The following ADGB variants were observed in gnomAD, a reference collection of about 807,000 sequenced individuals.
ADGB encodes androglobin.
In ADGB, 172 loss-of-function variants were observed where a neutral mutation model predicts 210.5. The ratio of observed to expected loss-of-function variants is 0.82; its 90% CI spans 0.72 to 0.93. The LOEUF (loss-of-function observed/expected upper bound fraction) is 0.93, where lower values mean the gene tolerates loss of function less well. ADGB is among the 40% of genes least tolerant of loss of function. The probability of loss-of-function intolerance (pLI) is 0.00; values close to 1 mark genes in which losing one functional copy is unlikely to be tolerated. For synonymous variants in ADGB, 658 were observed against 662.7 expected, an observed-to-expected ratio of 0.99 and a Z score of 0.11; for missense variants, 2,025 against 1,964.8, an observed-to-expected ratio of 1.03 and a Z score of -0.58.
chr6:146,695,344 C>T (rs917520438), intron 12 of ADGB, among the ~76,000 whole-genome samples: 6 of 152,116 alleles, frequency 3.9e-5, no homozygotes, highest in South Asian at 4.1e-4. Context: ...AATTAGTTAA[C>T]GTTGCTTTGT....
chr6:146,664,459 A>G (rs1431337561), intron 6 of ADGB, 119 bp downstream of exon 6: 4 of 1,042,598 alleles, frequency 3.8e-6, no homozygotes, highest in Non-Finnish European at 5.3e-6. Flanking sequence ...TTTCCCCTAA[A>G]CAATGTAATG....
At chr6:146,752,477 T>A in intron 26 of ADGB, 53 bp from the exon 27 acceptor site, 1 of 1,461,782 alleles carries the variant, frequency 6.8e-7, no homozygotes, top group Non-Finnish European at 9.2e-7. Flanking sequence ...ACTTACTGAC[T>A]TGAGAGAAAG....
intron 32 of ADGB, among the ~76,000 whole-genome samples, chr6:146,787,427 A>T (rs888828147): frequency 1.3e-5 from 2 of 152,088 alleles, no homozygotes; most frequent in African/African-American, 4.8e-5. Context: ...CTCACTATTT[A>T]GTTATTTTAT....
At chr6:146,707,716 T>C (rs1052336250) in intron 13 of ADGB, among the ~76,000 whole-genome samples, 2 of 152,152 alleles carry the variant, frequency 1.3e-5, no homozygotes, top group African/African-American at 4.8e-5. Context: ...ATTTTCAGTC[T>C]ATATGTGTCT....
chr6:146,599,084 A>G lies in ADGB; in HGVS notation c.44A>G (p.Asn15Ser). The change falls in exon 1 of 36, where the codon AAC (asparagine) becomes AGC (serine). Residue 15 changes from asparagine to serine, a missense_variant. Asn to Ser is a conservative substitution (Grantham distance 46). Transcript: ENST00000397944. Reference protein sequence around the residue: ...QTKKKEVHRINSAHGSDKSKD... With the variant: ...QTKKKEVHRISSAHGSDKSKD... ...AAAAAGAAAGAGGTGCATCGTATCA[A>G]CTCGGCGCACGGATCGGATAAATCG... 6.4e-7 allele frequency: 1 copy of G among 1,551,708 alleles called. No homozygotes were observed. The highest frequency in any genetic ancestry group is 1.4e-5 in the African/African-American group (1 of 73,164).
At chr6:146,784,871 A>G (rs1777851353) in intron 31 of ADGB, 77 bp downstream of exon 31, 5 of 1,408,194 alleles carry the variant, frequency 3.6e-6, no homozygotes, top group Middle Eastern at 1.8e-4. Flanking sequence ...TCATGCTGGT[A>G]AAAACCATAT....
At position 146,741,282 on chromosome 6, in the gene ADGB, A is replaced by T; in HGVS notation, c.3177+11A>T. The T allele has an allele frequency of 6.5e-7, 1 of 1,550,264 alleles. No individual in the cohort carries two copies. The highest frequency in any genetic ancestry group is 8.7e-7 in the Non-Finnish European group (1 of 1,146,212). ...TATACCAAGAATAAGGTAGGTATAA[A>T]ATTTATTCTCCACATATGATAGAAT... is the stretch of plus-strand genomic sequence containing the variant. On this transcript the variant is annotated intron_variant, in intron 25 of 35. Transcript: ENST00000397944.
chr6:146,599,040 C>T lies in ADGB; in HGVS notation c.-1C>T. On this transcript the variant is annotated 5_prime_UTR_variant, in exon 1 of 36. Coordinates refer to ENST00000397944, the MANE Select transcript of ADGB (RefSeq NM_024694.4). ...CAGCCCTACATAGATCGGCTTCTGCCATGGCCTCCAAACAAACCAAAAAGA... is the reference window on the plus strand; with the variant it reads ...CAGCCCTACATAGATCGGCTTCTGCTATGGCCTCCAAACAAACCAAAAAGA... 6.4e-7 allele frequency: 1 copy of T among 1,551,602 alleles called. No individual in the cohort carries two copies. The highest frequency in any genetic ancestry group is 1.4e-5 in the African/African-American group (1 of 73,182).
At chr6:146,714,446 T>G (rs1177396459) in intron 13 of ADGB, among the ~76,000 whole-genome samples, 1 of 152,186 alleles carries the variant, frequency 6.6e-6, no homozygotes, top group Non-Finnish European at 1.5e-5. Context: ...GTCTCAGCAC[T>G]TAGCTTGTGG....
chr6:146,679,180 C>T (rs189155427), intron 9 of ADGB, among the ~76,000 whole-genome samples: 125 of 152,308 alleles, frequency 8.2e-4, no homozygotes, highest in Non-Finnish European at 1.4e-3. Context: ...TGCTAAAGAT[C>T]GCTCATTTCA....
At chr6:146,616,513 G>C (rs1362939252) in intron 1 of ADGB, among the ~76,000 whole-genome samples, 15 of 151,948 alleles carry the variant, frequency 9.9e-5, no homozygotes, top group Admixed American at 9.8e-4. Flanking sequence ...TCAAACCAAT[G>C]ACCTTAAGCA....
At chr6:146,653,474 T>C (rs1562265581) in intron 3 of ADGB, among the ~76,000 whole-genome samples, 1 of 152,136 alleles carries the variant, frequency 6.6e-6, no homozygotes, top group Non-Finnish European at 1.5e-5. Context: ...ATGCTAAGTT[T>C]ATCTGCATAA....
At position 146,786,937 on chromosome 6, in the gene ADGB, C is replaced by T. The variant is rs190725471; in HGVS notation, c.4315+1225C>T. Among the ~76,000 whole-genome samples the T allele has an allele frequency of 7.3e-4, 111 of 152,114 alleles. No homozygotes were observed. The East Asian group carries it at 0.011, about 15-fold the overall frequency. ...GTAGGAGAGAAAGATTGAATTCAAC[C>T]GTAGATACAACAGGAACAAGTGGGG... is the stretch of plus-strand genomic sequence containing the variant. On this transcript the variant is annotated intron_variant, in intron 32 of 35. Transcript: ENST00000397944.
At chr6:146,777,359 T>C (rs1777735075) in intron 29 of ADGB, among the ~76,000 whole-genome samples, 1 of 151,982 alleles carries the variant, frequency 6.6e-6, no homozygotes, top group Non-Finnish European at 1.5e-5. Flanking sequence ...TTTTAAATAA[T>C]AAATAAATTA....
At chr6:146,610,514 T>C (rs1583557915) in intron 1 of ADGB, among the ~76,000 whole-genome samples, 1 of 152,294 alleles carries the variant, frequency 6.6e-6, no homozygotes, top group South Asian at 2.1e-4. Context: ...GGATGGGGCA[T>C]TTTTCTTTTA....
At chr6:146,614,173 TTCTCTCCCTCCC>T (rs1428739617) in intron 1 of ADGB, among the ~76,000 whole-genome samples, 2 of 145,614 alleles carry the variant, frequency 1.4e-5, no homozygotes, top group Non-Finnish European at 3.0e-5. Flanking sequence ...CAAACTTGTT[TTCTCTCCCTCCC>T]TCCCTCCCTC....
At chr6:146,636,197 T>C (rs899310711) in intron 2 of ADGB, among the ~76,000 whole-genome samples, 4 of 152,078 alleles carry the variant, frequency 2.6e-5, no homozygotes, top group African/African-American at 9.7e-5. Context: ...GACCTATTTA[T>C]TGGGTGCAAC....
At chr6:146,669,093 C>T (rs1775973689) in intron 7 of ADGB, among the ~76,000 whole-genome samples, 1 of 152,062 alleles carries the variant, frequency 6.6e-6, no homozygotes, top group Non-Finnish European at 1.5e-5. Flanking sequence ...CTGTTCCTAT[C>T]CTGACTCAAT....
At chr6:146,654,261 T>G (rs557681342) in intron 4 of ADGB, 55 bp downstream of exon 4, 1 of 1,250,206 alleles carries the variant, frequency 8.0e-7, no homozygotes, top group South Asian at 1.4e-5. Flanking sequence ...CCAGTCCTGC[T>G]TAAACCATTC....
Sources: gnomAD v4.1 joint callset for allele counts (sites outside exome capture counted in the v4.1 genomes callset) on GRCh38, gnomAD v4.1.1 for gene constraint, MANE v1.5 for transcripts, NCBI Gene and HGNC (gene_info 2026-07-23, HGNC 2026-07-21) for gene names.